Variants in USP4 observed in about 807,000 individuals in gnomAD.
The protein encoded by USP4 is ubiquitin specific peptidase 4.
Under a neutral mutation model 118.2 loss-of-function variants are expected in USP4, and 72 were observed. The observed-to-expected ratio is 0.61, with a 90% CI of 0.50 to 0.74. The LOEUF is 0.74. Ranked by LOEUF, USP4 falls within the 30% of genes least tolerant of loss-of-function variation. USP4 has a pLI of 0.00. For synonymous variants in USP4, 415 were observed against 440.4 expected, an observed-to-expected ratio of 0.94 and a Z score of 0.72; for missense variants, 1,037 against 1,185.7, an observed-to-expected ratio of 0.87 and a Z score of 1.84.
intron 6 of USP4, among the ~76,000 whole-genome samples, chr3:49,323,710 T>C (rs1052405810): frequency 6.6e-6 from 1 of 152,170 alleles, no homozygotes; most frequent in Non-Finnish European, 1.5e-5. Context: ...TACTATGTAA[T>C]GGTCACAGTC....
intron 14 of USP4, chr3:49,293,792 T>C (rs1002033493): frequency 1.3e-5 from 2 of 152,168 alleles, no homozygotes; most frequent in African/African-American, 4.8e-5. Flanking sequence ...CCAATAATCC[T>C]AATTTCCAGC....
rs1318264315 is a variant in USP4 at position 49,305,595 on chromosome 3, G to C, written c.1128+120C>G. 3 of 814,882 alleles carry C rather than the reference G, an allele frequency of 3.7e-6. No homozygotes were observed. In the East Asian group the frequency reaches 9.1e-5, roughly 25 times the overall value. 50.5% of individuals were successfully genotyped at this position (814,882 alleles called of 1,614,324 possible). On this transcript the variant is annotated intron_variant, in intron 9 of 21. Coordinates refer to ENST00000265560, the MANE Select transcript of USP4 (RefSeq NM_003363.4). The stretch of plus-strand genomic sequence containing the variant: ...ATTTTGGAATGGGGATGCTGAACTA[G>C]TAAGCATAATGTAAATACCATAAAA...
At chr3:49,339,828 C>A (rs1366935394) in intron 1 of USP4, 96 bp downstream of exon 1, 4 of 987,544 alleles carry the variant, frequency 4.1e-6, no homozygotes, top group Non-Finnish European at 6.2e-6. Flanking sequence ...TCACTACATA[C>A]CATCCCCGCC....
At chr3:49,338,044 C>CAAAAAA (rs57186354) in intron 1 of USP4, among the ~76,000 whole-genome samples, 1 of 52,026 alleles carries the variant, frequency 1.9e-5, no homozygotes, top group Non-Finnish European at 3.3e-5. Context: ...GACTTCGTCT[C>CAAAAAA]AAAAAAAAAA....
intron 2 of USP4, among the ~76,000 whole-genome samples, chr3:49,334,855 T>G (rs2047653268): frequency 6.6e-6 from 1 of 152,128 alleles, no homozygotes; most frequent in African/African-American, 2.4e-5. Flanking sequence ...ATCACCTCTA[T>G]CATGACTTTA....
chr3:49,281,628 C>G (rs767334811), intron 19 of USP4, among the ~76,000 whole-genome samples: 1 of 147,892 alleles, frequency 6.8e-6, no homozygotes, highest in African/African-American at 2.5e-5. Context: ...GTAGGAGAAT[C>G]GATTGATCCT....
chr3:49,295,145 C>T (rs988155102), intron 13 of USP4, among the ~76,000 whole-genome samples: 11 of 151,864 alleles, frequency 7.2e-5, no homozygotes, highest in Admixed American at 2.0e-4. Context: ...AACAATTAGA[C>T]GGGCATGGTG....
At chr3:49,304,913 A>G (rs2047297039) in intron 9 of USP4, among the ~76,000 whole-genome samples, 1 of 151,504 alleles carries the variant, frequency 6.6e-6, no homozygotes, top group African/African-American at 2.4e-5. Flanking sequence ...ACAGGTGCGC[A>G]CCACCACGCC....
chr3:49,340,046 G>C lies in USP4; in HGVS notation c.-22C>G. The C allele has an allele frequency of 1.3e-6, 2 of 1,598,616 alleles. No individual in the cohort carries two copies. The highest frequency in any genetic ancestry group is 2.7e-5 in the African/African-American group (2 of 74,936). ...CCATCTCCTCCGCGGCCCCGGCCCA[G>C]CCGGCCCGGACATCCGCCCCGCGCG... On this transcript the variant is annotated 5_prime_UTR_variant, in exon 1 of 22. Coordinates refer to ENST00000265560, the MANE Select transcript of USP4 (RefSeq NM_003363.4).
At position 49,325,916 on chromosome 3, in the gene USP4, A is replaced by G. The variant is rs924644546; in HGVS notation, c.361-71T>C. On this transcript the variant is annotated intron_variant, in intron 3 of 21. Coordinates refer to ENST00000265560, the MANE Select transcript of USP4 (RefSeq NM_003363.4). ...GGCAGTCTTGGATGTAGCATATCTT[A>G]TCAGAAGCAAAAAGCAGAAAACTCA... 4 of 1,566,754 alleles carry G rather than the reference A, an allele frequency of 2.6e-6. No individual in the cohort carries two copies. In the African/African-American group the frequency reaches 5.4e-5, roughly 21 times the overall value.
intron 6 of USP4, among the ~76,000 whole-genome samples, chr3:49,315,288 C>T (rs1298119705): frequency 5.3e-5 from 8 of 152,090 alleles, no homozygotes; most frequent in African/African-American, 1.9e-4. Flanking sequence ...TTTGAGGTTG[C>T]AGTGAACTAT....
At chr3:49,333,049 T>A in intron 2 of USP4, among the ~76,000 whole-genome samples, 2 of 142,904 alleles carry the variant, frequency 1.4e-5, no homozygotes, top group Non-Finnish European at 3.0e-5. Context: ...TGGCACCTTG[T>A]CTCAAAAAAA....
chr3:49,290,577 C>T (rs564509915), intron 15 of USP4, among the ~76,000 whole-genome samples: 7 of 151,834 alleles, frequency 4.6e-5, no homozygotes, highest in Admixed American at 2.0e-4. Context: ...TGCAATGATG[C>T]AATCTCAGCT....
intron 15 of USP4, among the ~76,000 whole-genome samples, chr3:49,291,639 C>CT (rs2047152550): frequency 6.7e-6 from 1 of 150,028 alleles, no homozygotes; most frequent in Non-Finnish European, 1.5e-5. Context: ...GCTTGAAAGA[C>CT]ATATATGGTT....
Position 49,284,931 on chromosome 3 carries a change from C to T in USP4, c.2201-12G>A. 6.6e-7 allele frequency: 1 copy of T among 1,520,702 alleles called. No individual in the cohort carries two copies. Among genetic ancestry groups the T allele is most frequent in the Non-Finnish European group, 8.8e-7 (1 of 1,133,676 alleles). 94.2% of individuals were successfully genotyped at this position (1,520,702 alleles called of 1,614,324 possible). A position where few individuals can be genotyped will look rare whatever the true frequency, so the allele number is the denominator to read the frequency against. ...CAGTGTAGATCGAGCTGAGGAGGAC[C>T]AAAATGTCACTTGTTATGGAATGGC... On this transcript the variant is annotated splice_polypyrimidine_tract_variant and intron_variant, in intron 16 of 21. Transcript: ENST00000265560.
At chr3:49,292,288 GAAAAAAAAA>G (rs146147164) in intron 15 of USP4, among the ~76,000 whole-genome samples, 1 of 107,978 alleles carries the variant, frequency 9.3e-6, no homozygotes, top group Non-Finnish European at 2.0e-5. Flanking sequence ...CCCCTATCTG[GAAAAAAAAA>G]AAAAAAAAAG....
chr3:49,284,328 G>T, intron 18 of USP4, 138 bp downstream of exon 18: 2 of 1,038,980 alleles, frequency 1.9e-6, no homozygotes, highest in Non-Finnish European at 2.9e-6. Context: ...TCAACTCACA[G>T]AGGATTATGT....
intron 12 of USP4, 70 bp from the exon 13 acceptor site, chr3:49,298,034 G>T: frequency 2.1e-6 from 2 of 965,974 alleles, no homozygotes; most frequent in Non-Finnish European, 3.2e-6. Context: ...TTAAAACCCA[G>T]AAACAAATGA....
chr3:49,284,658 G>T, intron 17 of USP4, 74 bp from the exon 18 acceptor site: 2 of 1,390,826 alleles, frequency 1.4e-6, no homozygotes, highest in Non-Finnish European at 2.0e-6. Context: ...GCCTACAGAG[G>T]CTCTCCCACC....
Sources: allele counts gnomAD v4.1 joint callset (sites outside exome capture counted in the v4.1 genomes callset), GRCh38; gene constraint gnomAD v4.1.1; transcripts MANE v1.5; gene names NCBI Gene and HGNC (gene_info 2026-07-23, HGNC 2026-07-21).